TMEM63B: variants seen among roughly 807,000 people sequenced by gnomAD.
TMEM63B encodes mechanosensitive cation channel TMEM63B.
TMEM63B carries 23 observed loss-of-function variants against 102.6 expected under a neutral mutation model. That is an observed-to-expected ratio of 0.22 (90% CI 0.16 to 0.32). TMEM63B has a LOEUF of 0.32. Among genes scored for constraint, TMEM63B ranks in the 10% least tolerant of loss-of-function variants. TMEM63B has a pLI of 1.00. For missense variants in TMEM63B, 628 were observed against 1,095.9 expected (o/e 0.57, Z 6.03); for synonymous variants, 444 against 437.0 (o/e 1.02, Z -0.20).
Position 44,152,487 on chromosome 6 carries a change from CT to C in TMEM63B, c.1837-102del. 1.2e-6 allele frequency: 1 copy of C among 850,524 alleles called. No homozygotes were observed. Among genetic ancestry groups the C allele is most frequent in the Non-Finnish European group, 1.9e-6 (1 of 518,588 alleles). 52.7% of individuals were successfully genotyped at this position (850,524 alleles called of 1,614,324 possible). A position where few individuals can be genotyped will look rare whatever the true frequency, so the allele number is the denominator to read the frequency against. ...CATTAGGTCCTGTTCCCCATGGCTTCTTTTCCGGCCCCAGAGGTCCTGGCTC... is the reference window on the plus strand; with the variant it reads ...CATTAGGTCCTGTTCCCCATGGCTTCTTTCCGGCCCCAGAGGTCCTGGCTC... On this transcript the variant is annotated intron_variant, in intron 19 of 23. Transcript: ENST00000323267. This position sits in a 1 kb window ranked among gnomAD's most constrained non-coding sequence, Gnocchi z 6.4.
At chr6:44,146,544 G>A (rs1765451720) in intron 10 of TMEM63B, among the ~76,000 whole-genome samples, 1 of 151,764 alleles carries the variant, frequency 6.6e-6, no homozygotes, top group South Asian at 2.1e-4. Flanking sequence ...TCCACCTCCC[G>A]GGTTCGAGCA....
In TMEM63B at chr6:44,148,693, T is replaced by G. The variant is rs377558495; in HGVS notation, c.1259+43T>G. 1.9e-5 allele frequency: 31 copies of G among 1,611,864 alleles called. No individual in the cohort carries two copies. In the African/African-American group the frequency reaches 2.5e-4, roughly 13 times the overall value. On this transcript the variant is annotated intron_variant, in intron 14 of 23. Transcript: ENST00000323267. This position sits in a 1 kb window ranked among gnomAD's most constrained non-coding sequence, Gnocchi z 5.1. ...AGGGCAGGCTTTCCAGGGCCTGGGA[T>G]GGGCTCAGTAGGTAGGCGGAGGAGA...
chr6:44,128,274 C>T (rs986094885), intron 1 of TMEM63B, among the ~76,000 whole-genome samples: 4 of 152,146 alleles, frequency 2.6e-5, no homozygotes, highest in African/African-American at 9.7e-5. Context: ...GGTCGGCGGG[C>T]TGGAGAGGCG....
intron 10 of TMEM63B, among the ~76,000 whole-genome samples, chr6:44,143,056 C>G (rs1337335416): frequency 1.3e-5 from 2 of 152,118 alleles, no homozygotes; most frequent in Non-Finnish European, 2.9e-5. Context: ...AGGTCCAGAC[C>G]TGTCAGTTGG....
chr6:44,138,647 C>T (rs1763496270), intron 6 of TMEM63B, 130 bp downstream of exon 6: 2 of 1,082,738 alleles, frequency 1.8e-6, no homozygotes, highest in Non-Finnish European at 2.8e-6. Context: ...CTCCTCCCTG[C>T]TCTCAAAGGC....
chr6:44,155,137 C>G lies in TMEM63B; in HGVS notation c.*254C>G, dbSNP rs867545989. ...CAGAGGGAGTTCCCCCAGATCAGTA[C>G]CCCCCACCCCTCCCCAGCTAGTAGC... is the stretch of plus-strand genomic sequence containing the variant. On this transcript the variant is annotated 3_prime_UTR_variant, in exon 24 of 24. Transcript: ENST00000323267. 3.2e-6 allele frequency: 1 copy of G among 315,054 alleles called. No individual in the cohort carries two copies. Among genetic ancestry groups the G allele is most frequent in the Non-Finnish European group, 5.8e-6 (1 of 172,108 alleles). 19.5% of individuals were successfully genotyped at this position (315,054 alleles called of 1,614,324 possible). A position where few individuals can be genotyped will look rare whatever the true frequency, so the allele number is the denominator to read the frequency against.
chr6:44,136,828 C>T (rs1035397325), intron 5 of TMEM63B, among the ~76,000 whole-genome samples: 7 of 152,214 alleles, frequency 4.6e-5, no homozygotes, highest in Non-Finnish European at 7.3e-5. Context: ...GGGAGGATCA[C>T]GAGGTCACTA....
At chr6:44,153,980 G>T in intron 21 of TMEM63B, 93 bp from the exon 22 acceptor site, 1 of 1,551,990 alleles carries the variant, frequency 6.4e-7, no homozygotes. Flanking sequence ...TGTAGCACCT[G>T]GGAGAGTGAG....
At chr6:44,147,827 A>G (rs1400043714) in intron 12 of TMEM63B, among the ~76,000 whole-genome samples, 1 of 152,166 alleles carries the variant, frequency 6.6e-6, no homozygotes, top group African/African-American at 2.4e-5. Context: ...TAATACATAT[A>G]AAGAAGCTTA....
rs941187258 is a variant in TMEM63B at position 44,152,845 on chromosome 6, G to A, written c.1942+147G>A. The A allele has an allele frequency of 2.7e-5, 18 of 672,628 alleles. No homozygotes were observed. The highest frequency in any genetic ancestry group is 1.4e-4 in the African/African-American group (8 of 55,416). 41.7% of individuals were successfully genotyped at this position (672,628 alleles called of 1,614,324 possible). ...GGGCTCCCGCCCGGTCCCTGGCTCAGTCTGGGGCCTGGCCTGTGGGGAGGA... is the reference window on the plus strand; with the variant it reads ...GGGCTCCCGCCCGGTCCCTGGCTCAATCTGGGGCCTGGCCTGTGGGGAGGA... On this transcript the variant is annotated intron_variant, in intron 20 of 23. Coordinates refer to ENST00000323267, the MANE Select transcript of TMEM63B (RefSeq NM_018426.3). This position sits in a 1 kb window ranked among gnomAD's most constrained non-coding sequence, Gnocchi z 6.4.
At position 44,148,675 on chromosome 6, in the gene TMEM63B, G is replaced by C. The variant is rs1003411405; in HGVS notation, c.1259+25G>C. On this transcript the variant is annotated intron_variant, in intron 14 of 23. Transcript: ENST00000323267. The surrounding 1 kb of genome is among the most constrained non-coding windows in gnomAD (Gnocchi z 5.1). ...GGTGAGCAAACAGGTGTCAGGGCAG[G>C]CTTTCCAGGGCCTGGGATGGGCTCA... is the stretch of plus-strand genomic sequence containing the variant. 24 of 1,612,628 alleles carry C rather than the reference G, an allele frequency of 1.5e-5. No individual in the cohort carries two copies. The highest frequency in any genetic ancestry group is 1.9e-5 in the Non-Finnish European group (22 of 1,178,956).
chr6:44,138,349 G>C (rs779363725), intron 5 of TMEM63B, 131 bp from the exon 6 acceptor site: 8 of 1,171,142 alleles, frequency 6.8e-6, no homozygotes, highest in Non-Finnish European at 1.0e-5. Context: ...GAGGGTATAA[G>C]GATTTTTTTT....
At chr6:44,146,642 G>A (rs936824058) in intron 10 of TMEM63B, among the ~76,000 whole-genome samples, 1 of 151,964 alleles carries the variant, frequency 6.6e-6, no homozygotes, top group Non-Finnish European at 1.5e-5. Flanking sequence ...GTAGAGACAG[G>A]GTTTCACCAT....
At chr6:44,140,218 A>G (rs1562123600) in intron 8 of TMEM63B, 34 bp from the exon 9 acceptor site, 1 of 1,558,798 alleles carries the variant, frequency 6.4e-7, no homozygotes, top group Non-Finnish European at 8.8e-7. Context: ...TCCTAGCCCC[A>G]GTGGCTCCCA....
chr6:44,139,358 CTG>C, intron 6 of TMEM63B, 107 bp from the exon 7 acceptor site: 1 of 1,360,694 alleles, frequency 7.3e-7, no homozygotes, highest in Admixed American at 1.8e-5. Context: ...GCCAGATCAG[CTG>C]GAGCTAGGGT....
At position 44,151,987 on chromosome 6, in the gene TMEM63B, C is replaced by G. The variant is rs747810198; in HGVS notation, c.1815C>G (p.Ala605=). 16 of 1,610,486 alleles carry G rather than the reference C, an allele frequency of 9.9e-6. No homozygotes were observed. Among genetic ancestry groups the G allele is most frequent in the Non-Finnish European group, 1.2e-5 (14 of 1,178,404 alleles). The change falls in exon 19 of 24, where the codon GCC becomes GCG. Residue 605 remains alanine (A), a synonymous_variant. Transcript: ENST00000323267. ...GGCTCTGCCTGGCGCGCTCGGCCGC[C>G]GAGAGGCGCAACGTGAAGCGGGTAC... ...MIRLCLARSA[A]ERRNVKRHQA...
In TMEM63B at chr6:44,155,136, A is replaced by C; in HGVS notation, c.*253A>C. The C allele has an allele frequency of 3.2e-6, 1 of 309,432 alleles. No individual in the cohort carries two copies. 19.2% of individuals were successfully genotyped at this position (309,432 alleles called of 1,614,324 possible). ...GCAGAGGGAGTTCCCCCAGATCAGT[A>C]CCCCCCACCCCTCCCCAGCTAGTAG... is the stretch of plus-strand genomic sequence containing the variant. On this transcript the variant is annotated 3_prime_UTR_variant, in exon 24 of 24. Transcript: ENST00000323267.
Position 44,141,118 on chromosome 6 carries a change from C to G in TMEM63B, c.782+20C>G, listed in dbSNP as rs1241698867. The G allele has an allele frequency of 5.6e-6, 9 of 1,612,424 alleles. No individual in the cohort carries two copies. In the East Asian group the frequency reaches 1.1e-4, roughly 20 times the overall value. ...TTTTGAGTGAGTAAGCCACGCTTCC[C>G]CCTACCCTCAAGCCCTGCTGCAGAG... On this transcript the variant is annotated intron_variant, in intron 10 of 23. Coordinates refer to ENST00000323267, the MANE Select transcript of TMEM63B (RefSeq NM_018426.3).
Position 44,154,688 on chromosome 6 carries a change from T to C in TMEM63B, c.2308-4T>C. 1 of 1,524,428 alleles carries C rather than the reference T, an allele frequency of 6.6e-7. No individual in the cohort carries two copies. The highest frequency in any genetic ancestry group is 8.8e-7 in the Non-Finnish European group (1 of 1,136,248). The allele number at this position is 1,524,428 out of a possible 1,614,324, so 94.4% of individuals were successfully genotyped here. A position where few individuals can be genotyped will look rare whatever the true frequency, so the allele number is the denominator to read the frequency against. ...CCTTGCCCCCATTTCCTCTCCTCCT[T>C]CAGAAATACATCGCTCAGGTGCTGC... On this transcript the variant is annotated splice_region_variant and splice_polypyrimidine_tract_variant and intron_variant, in intron 23 of 23. Transcript: ENST00000323267.
Sources: allele counts gnomAD v4.1 joint callset (sites outside exome capture counted in the v4.1 genomes callset), GRCh38; gene constraint gnomAD v4.1.1; non-coding constraint Gnocchi (gnomAD v3.1); transcripts MANE v1.5; gene names NCBI Gene and HGNC (gene_info 2026-07-23, HGNC 2026-07-21).